Variants in DYM observed in about 807,000 individuals in gnomAD.
DYM encodes the protein dymeclin.
Under a neutral mutation model 93.1 loss-of-function variants are expected in DYM, and 78 were observed. The observed-to-expected ratio is 0.84, with a 90% CI of 0.70 to 1.01. The LOEUF is 1.01. Ranked by LOEUF, DYM falls within the 50% of genes least tolerant of loss-of-function variation. The probability of loss-of-function intolerance (pLI) is 0.00; values close to 1 mark genes in which losing one functional copy is unlikely to be tolerated. For missense variants in DYM, 789 were observed against 845.0 expected (o/e 0.93, Z 0.82); for synonymous variants, 321 against 319.7 (o/e 1.00, Z -0.04).
intron 17 of DYM, among the ~76,000 whole-genome samples, chr18:49,066,885 T>G (rs2076433128): frequency 6.6e-6 from 1 of 152,178 alleles, no homozygotes; most frequent in Non-Finnish European, 1.5e-5. Flanking sequence ...CTCATACCTC[T>G]TCATCCCATC....
At chr18:49,360,851 T>C (rs770178398) in intron 6 of DYM, among the ~76,000 whole-genome samples, 10 of 152,196 alleles carry the variant, frequency 6.6e-5, no homozygotes, top group African/African-American at 1.2e-4. Context: ...GCCAATGTAA[T>C]AGTTTCATAT....
At position 49,095,457 on chromosome 18, in the gene DYM, T is replaced by G. The variant is rs536643271; in HGVS notation, c.2025+1945A>C. 1.4e-3 allele frequency among the ~76,000 whole-genome samples: 204 copies of G among 148,804 alleles called. 1 individual carries two copies. The highest frequency in any genetic ancestry group is 3.4e-3 in the Middle Eastern group (1 of 294). ...AGTACTGGTGATAGTGTTTTTTTTT[T>G]TTTGTTTTGTTTTTAAACTGAATCA... On this transcript the variant is annotated intron_variant, in intron 17 of 17. Coordinates refer to ENST00000675505, the MANE Select transcript of DYM (RefSeq NM_001353214.3).
At chr18:49,073,747 G>C (rs1401188764) in intron 17 of DYM, among the ~76,000 whole-genome samples, 1 of 152,156 alleles carries the variant, frequency 6.6e-6, no homozygotes, top group African/African-American at 2.4e-5. Context: ...AGGAATGGGG[G>C]AATGCCAATG....
chr18:49,078,135 GACAATATACACTCTTAACTTTTCTCA>G (rs2077466672), intron 17 of DYM, among the ~76,000 whole-genome samples: 1 of 152,054 alleles, frequency 6.6e-6, no homozygotes, highest in African/African-American at 2.4e-5. Flanking sequence ...CCCTAGAGAT[GACAATATACACTCTTAACTTTTCTCA>G]GTCAACTTAC....
intron 13 of DYM, among the ~76,000 whole-genome samples, chr18:49,228,730 A>G (rs1270715884): frequency 6.6e-6 from 1 of 152,160 alleles, no homozygotes; most frequent in Admixed American, 6.5e-5. Flanking sequence ...TTTTCAGGTA[A>G]AAGTTGTAAC....
At chr18:49,222,692 C>A (rs1401481216) in intron 13 of DYM, among the ~76,000 whole-genome samples, 1 of 151,942 alleles carries the variant, frequency 6.6e-6, no homozygotes, top group African/African-American at 2.4e-5. Context: ...CTAGAGGTAC[C>A]AAAGGCATGA....
chr18:49,182,221 A>G (rs2089993652), intron 14 of DYM, among the ~76,000 whole-genome samples: 1 of 152,174 alleles, frequency 6.6e-6, no homozygotes, highest in Non-Finnish European at 1.5e-5. Context: ...ATGGCATAGA[A>G]TATGGTCTTT....
intron 17 of DYM, among the ~76,000 whole-genome samples, chr18:49,094,190 G>A (rs1301526530): frequency 2.0e-5 from 3 of 152,158 alleles, no homozygotes; most frequent in South Asian, 2.1e-4. Flanking sequence ...GAAGAAAAGA[G>A]GGGACTTGAG....
intron 8 of DYM, among the ~76,000 whole-genome samples, chr18:49,317,412 C>G (rs750319082): frequency 2.0e-5 from 3 of 151,986 alleles, no homozygotes; most frequent in African/African-American, 4.8e-5. Context: ...GAATCTTTGG[C>G]AGGGGTGCAG....
At chr18:49,181,442 T>C (rs1214515978) in intron 14 of DYM, among the ~76,000 whole-genome samples, 2 of 152,182 alleles carry the variant, frequency 1.3e-5, no homozygotes, top group Non-Finnish European at 2.9e-5. Flanking sequence ...GTCCCCACAA[T>C]ACAGGTTGAA....
intron 14 of DYM, among the ~76,000 whole-genome samples, chr18:49,167,199 G>A (rs191289168): frequency 6.6e-6 from 1 of 152,138 alleles, no homozygotes; most frequent in Non-Finnish European, 1.5e-5. Context: ...TTTGTTTACT[G>A]ATTTTAAAAG....
At chr18:49,081,853 T>C (rs2078074578) in intron 17 of DYM, among the ~76,000 whole-genome samples, 1 of 152,180 alleles carries the variant, frequency 6.6e-6, no homozygotes, top group South Asian at 2.1e-4. Flanking sequence ...CTGTGTGCAG[T>C]GTGATGCTGT....
At chr18:49,249,312 T>A (rs1177514632) in intron 13 of DYM, among the ~76,000 whole-genome samples, 1 of 151,388 alleles carries the variant, frequency 6.6e-6, no homozygotes, top group African/African-American at 2.5e-5. Flanking sequence ...ATGGACTTTT[T>A]AAAAAATAAG....
intron 2 of DYM, among the ~76,000 whole-genome samples, chr18:49,414,212 G>A (rs2148237941): frequency 6.6e-6 from 1 of 152,224 alleles, no homozygotes; most frequent in East Asian, 1.9e-4. Flanking sequence ...ATTTCTATCT[G>A]AGGTGATGAA....
chr18:49,044,178 A>T lies in DYM; in HGVS notation c.2052T>A (p.Tyr684Ter). 6.2e-7 allele frequency: 1 copy of T among 1,614,190 alleles called. No homozygotes were observed. The highest frequency in any genetic ancestry group is 8.5e-7 in the Non-Finnish European group (1 of 1,180,030). The stretch of plus-strand genomic sequence containing the variant: ...ACTCCTCGGGCTGCTCCTCTTCCAC[A>T]TATTTGAATTTCAATTCTGGAAATT... ...LKKFPELKFK[Y>*]VEEEQPEEFF... The change falls in exon 18 of 18, where the codon TAT becomes TAA. Residue 684 changes from tyrosine to a stop codon, truncating the protein, a stop_gained. Transcript: ENST00000675505. LOFTEE classifies it high-confidence loss of function.
At chr18:49,415,321 CAAAA>C (rs71165393) in intron 2 of DYM, among the ~76,000 whole-genome samples, 1 of 87,068 alleles carries the variant, frequency 1.1e-5, no homozygotes, top group East Asian at 3.9e-4. Context: ...CTGGGTCTCT[CAAAA>C]AAAAAAAAAA....
At chr18:49,332,074 A>C in intron 7 of DYM, 68 bp from the exon 8 acceptor site, 1 of 1,493,496 alleles carries the variant, frequency 6.7e-7, no homozygotes, top group African/African-American at 1.4e-5. Flanking sequence ...ATAACAATAC[A>C]GAAATAATTC....
At chr18:49,259,916 T>C (rs1242368940) in intron 11 of DYM, among the ~76,000 whole-genome samples, 2 of 152,082 alleles carry the variant, frequency 1.3e-5, no homozygotes, top group Non-Finnish European at 2.9e-5. Context: ...AAATAAATAA[T>C]AAACTGTGAA....
chr18:49,453,555 G>T (rs112323753), intron 1 of DYM, among the ~76,000 whole-genome samples: 8,777 of 152,192 alleles, frequency 0.058, 346 homozygotes, highest in Middle Eastern at 0.12. Flanking sequence ...CACACACGCC[G>T]CCTTTAAGAA....
Sources: gnomAD v4.1 joint callset for allele counts (sites outside exome capture counted in the v4.1 genomes callset) on GRCh38, gnomAD v4.1.1 for gene constraint, MANE v1.5 for transcripts, NCBI Gene and HGNC (gene_info 2026-07-23, HGNC 2026-07-21) for gene names.